The following CNTN4 variants were observed in gnomAD, a reference collection of about 807,000 sequenced individuals.
CNTN4 encodes contactin 4.
CNTN4 carries 77 observed loss-of-function variants against 122.5 expected under a neutral mutation model. The observed-to-expected ratio is 0.63, with a 90% CI of 0.52 to 0.76. The LOEUF is 0.76. Among genes scored for constraint, CNTN4 ranks in the 30% least tolerant of loss-of-function variants. CNTN4 has a pLI of 0.00. For missense variants in CNTN4, 1,256 were observed against 1,259.1 expected (o/e 1.00, Z 0.04); for synonymous variants, 512 against 447.0 (o/e 1.15, Z -1.83).
At position 2,464,222 on chromosome 3, in the gene CNTN4, C is replaced by T. The variant is rs996386782; in HGVS notation, c.-88-107194C>T. On this transcript the variant is annotated intron_variant, in intron 3 of 24. Coordinates refer to ENST00000418658, the MANE Select transcript of CNTN4 (RefSeq NM_175607.3). ...TGCCTGGATTATGCCAAACATAACA[C>T]ACTACTGGAGATATGTATTTGATGA... Among the ~76,000 whole-genome samples, 23 of 152,286 alleles carry T rather than the reference C, an allele frequency of 1.5e-4. No individual in the cohort carries two copies. In the East Asian group the frequency reaches 1.7e-3, roughly 12 times the overall value.
intron 6 of CNTN4, among the ~76,000 whole-genome samples, chr3:2,795,756 G>A (rs951820827): frequency 6.6e-6 from 1 of 151,854 alleles, no homozygotes; most frequent in Non-Finnish European, 1.5e-5. Context: ...TCCTGACCTG[G>A]TGATCCACCC....
intron 4 of CNTN4, among the ~76,000 whole-genome samples, chr3:2,636,284 G>C (rs1272475866): frequency 6.6e-6 from 1 of 152,182 alleles, no homozygotes; most frequent in Non-Finnish European, 1.5e-5. Flanking sequence ...TACGTCATCA[G>C]GCATCAGAAT....
intron 14 of CNTN4, among the ~76,000 whole-genome samples, chr3:3,001,674 G>T (rs1343946599): frequency 6.6e-6 from 1 of 152,150 alleles, no homozygotes; most frequent in Non-Finnish European, 1.5e-5. Flanking sequence ...GTAAGCATTT[G>T]ACACGCAGTA....
At chr3:2,487,632 T>C (rs1314510909) in intron 3 of CNTN4, among the ~76,000 whole-genome samples, 2 of 152,126 alleles carry the variant, frequency 1.3e-5, no homozygotes, top group African/African-American at 2.4e-5. Context: ...CTTTTTTTGT[T>C]TGTTTTGTTT....
At chr3:2,676,413 G>C (rs1263345585) in intron 4 of CNTN4, among the ~76,000 whole-genome samples, 1 of 152,140 alleles carries the variant, frequency 6.6e-6, no homozygotes, top group Admixed American at 6.6e-5. Context: ...ATAGAGACAG[G>C]GTTTCTGTAT....
At chr3:2,934,454 A>G (rs1308815543) in intron 13 of CNTN4, among the ~76,000 whole-genome samples, 1 of 152,282 alleles carries the variant, frequency 6.6e-6, no homozygotes, top group Non-Finnish European at 1.5e-5. Context: ...ATCCCAGTGC[A>G]GGGCTGCACA....
chr3:2,320,474 C>A (rs770369403), intron 2 of CNTN4, among the ~76,000 whole-genome samples: 1 of 152,118 alleles, frequency 6.6e-6, no homozygotes, highest in African/African-American at 2.4e-5. Context: ...CAGCGTCCCA[C>A]CTTAACATAG....
At chr3:2,952,505 A>G (rs768069059) in intron 13 of CNTN4, among the ~76,000 whole-genome samples, 1 of 152,222 alleles carries the variant, frequency 6.6e-6, no homozygotes, top group Non-Finnish European at 1.5e-5. Context: ...AGTTTTTGTT[A>G]CATGCATTTT....
intron 15 of CNTN4, among the ~76,000 whole-genome samples, chr3:3,029,333 A>T (rs1698983007): frequency 1.3e-5 from 2 of 152,226 alleles, no homozygotes; most frequent in African/African-American, 4.8e-5. Context: ...TTCACATAAC[A>T]CAGATAATCT....
At chr3:2,567,381 T>C (rs981268469) in intron 3 of CNTN4, among the ~76,000 whole-genome samples, 1 of 151,720 alleles carries the variant, frequency 6.6e-6, no homozygotes, top group Non-Finnish European at 1.5e-5. Context: ...CCACCGTGCC[T>C]GGCCTCAAGT....
intron 6 of CNTN4, among the ~76,000 whole-genome samples, chr3:2,780,489 TA>T (rs1188473606): frequency 7.2e-5 from 11 of 152,232 alleles, no homozygotes; most frequent in Non-Finnish European, 1.2e-4. Context: ...AAAGACTATA[TA>T]TTTTTTAAGT....
chr3:2,788,336 A>T (rs1239593572), intron 6 of CNTN4, among the ~76,000 whole-genome samples: 1 of 152,132 alleles, frequency 6.6e-6, no homozygotes, highest in African/African-American at 2.4e-5. Context: ...TCACTGTATG[A>T]TATAATTTGG....
At chr3:2,765,217 A>C (rs1393681574) in intron 6 of CNTN4, among the ~76,000 whole-genome samples, 3 of 152,216 alleles carry the variant, frequency 2.0e-5, no homozygotes, top group Non-Finnish European at 4.4e-5. Flanking sequence ...AGTGTAGTAC[A>C]AAGAGATAGA....
intron 4 of CNTN4, among the ~76,000 whole-genome samples, chr3:2,672,425 A>AG (rs1444403219): frequency 6.6e-6 from 1 of 152,204 alleles, no homozygotes; most frequent in Non-Finnish European, 1.5e-5. Flanking sequence ...TGCGCGGGAT[A>AG]TAATCTCCTG....
rs113962052 is a variant in CNTN4 at position 2,400,203 on chromosome 3, G to A, written c.-89+60970G>A. The stretch of plus-strand genomic sequence containing the variant: ...AAGCTTTCCTGTGTAACCCTACCAC[G>A]AAATAATATTTTTCTACTTTAAACA... On this transcript the variant is annotated intron_variant, in intron 3 of 24. Coordinates refer to ENST00000418658, the MANE Select transcript of CNTN4 (RefSeq NM_175607.3). 8.5e-3 allele frequency among the ~76,000 whole-genome samples: 1,290 copies of A among 151,640 alleles called. 23 individuals are homozygous for A. Among genetic ancestry groups the A allele is most frequent in the South Asian group, 0.064 (309 of 4,812 alleles).
chr3:2,228,396 G>A (rs2039366230), intron 2 of CNTN4, among the ~76,000 whole-genome samples: 1 of 152,064 alleles, frequency 6.6e-6, no homozygotes, highest in South Asian at 2.1e-4. Context: ...TCACTCATTT[G>A]TTTAAGTATT....
intron 2 of CNTN4, among the ~76,000 whole-genome samples, chr3:2,175,988 T>C (rs1445403386): frequency 6.6e-6 from 1 of 152,214 alleles, no homozygotes; most frequent in Non-Finnish European, 1.5e-5. Flanking sequence ...CCTGAAAATA[T>C]GGTTTATTCC....
chr3:2,462,144 C>A (rs1178609717), intron 3 of CNTN4, among the ~76,000 whole-genome samples: 1 of 152,156 alleles, frequency 6.6e-6, no homozygotes, highest in East Asian at 1.9e-4. Flanking sequence ...AGTGTTATAA[C>A]CACCTTTCTA....
chr3:2,953,546 A>G (rs1191776095), intron 13 of CNTN4, among the ~76,000 whole-genome samples: 7 of 151,052 alleles, frequency 4.6e-5, no homozygotes, highest in East Asian at 1.9e-4. Context: ...CCTTTTTTGT[A>G]TATGTCCCTT....
Sources: gnomAD v4.1 joint callset for allele counts (sites outside exome capture counted in the v4.1 genomes callset) on GRCh38, gnomAD v4.1.1 for gene constraint, MANE v1.5 for transcripts, NCBI Gene and HGNC (gene_info 2026-07-23, HGNC 2026-07-21) for gene names.